FRMD5: variants seen among roughly 807,000 people sequenced by gnomAD.
The protein encoded by FRMD5 is FERM domain containing 5, also known as FERM domain-containing protein 5.
Under a neutral mutation model 69.0 loss-of-function variants are expected in FRMD5, and 20 were observed. That is an observed-to-expected ratio of 0.29 (90% CI 0.20 to 0.42). The LOEUF (loss-of-function observed/expected upper bound fraction) is 0.42. Among genes scored for constraint, FRMD5 ranks in the 10% least tolerant of loss-of-function variants. The probability of loss-of-function intolerance (pLI) is 1.00; values close to 1 mark genes in which losing one functional copy is unlikely to be tolerated. For synonymous variants in FRMD5, 271 were observed against 260.1 expected (o/e 1.04, Z -0.40); for missense variants, 595 against 708.6 (o/e 0.84, Z 1.82).
chr15:44,188,905 T>C (rs2078146769), intron 1 of FRMD5, among the ~76,000 whole-genome samples: 1 of 151,922 alleles, frequency 6.6e-6, no homozygotes, highest in Admixed American at 6.6e-5. Context: ...AAGCAGCAGA[T>C]GAGGTCATGG....
Position 43,972,281 on chromosome 15 carries a change from G to A in FRMD5, c.103-47972C>T, listed in dbSNP as rs117813536. On this transcript the variant is annotated intron_variant, in intron 1 of 13. Transcript: ENST00000417257. ...CACATCACACAACATCATGTGGGATGGGGTTAGGGAGGCCTTTAAATGCAT... is the reference window on the plus strand; with the variant it reads ...CACATCACACAACATCATGTGGGATAGGGTTAGGGAGGCCTTTAAATGCAT... Among the ~76,000 whole-genome samples, 836 of 151,922 alleles carry A rather than the reference G, an allele frequency of 5.5e-3. 6 individuals carry two copies. Among genetic ancestry groups the A allele is most frequent in the Non-Finnish European group, 8.9e-3 (603 of 67,970 alleles).
intron 1 of FRMD5, among the ~76,000 whole-genome samples, chr15:44,078,164 A>G (rs1406851961): frequency 6.6e-6 from 1 of 152,116 alleles, no homozygotes; most frequent in African/African-American, 2.4e-5. Flanking sequence ...AAAAGGCATG[A>G]TAACTGTTTT....
chr15:44,164,294 T>G (rs1200816501), intron 1 of FRMD5, among the ~76,000 whole-genome samples: 1 of 152,232 alleles, frequency 6.6e-6, no homozygotes, highest in Non-Finnish European at 1.5e-5. Flanking sequence ...GCACTTTTTT[T>G]TGCATTATAA....
chr15:43,892,878 T>C (rs1051779361), intron 7 of FRMD5, among the ~76,000 whole-genome samples: 3 of 152,030 alleles, frequency 2.0e-5, no homozygotes, highest in Non-Finnish European at 4.4e-5. Flanking sequence ...CCGAGGCAGG[T>C]GGATCATCTG....
At chr15:44,141,595 T>C (rs1457537799) in intron 1 of FRMD5, among the ~76,000 whole-genome samples, 2 of 152,180 alleles carry the variant, frequency 1.3e-5, no homozygotes, top group Non-Finnish European at 2.9e-5. Context: ...CTGCAGGACA[T>C]TCCACAGAAA....
intron 1 of FRMD5, among the ~76,000 whole-genome samples, chr15:44,008,477 G>A (rs1001068038): frequency 6.6e-5 from 10 of 151,696 alleles, no homozygotes; most frequent in African/African-American, 2.4e-4. Flanking sequence ...TGATGGCCAG[G>A]CTGGTCTTGA....
intron 1 of FRMD5, among the ~76,000 whole-genome samples, chr15:44,171,207 A>G (rs1213088126): frequency 6.6e-6 from 1 of 152,210 alleles, no homozygotes; most frequent in African/African-American, 2.4e-5. Context: ...AAATATACTA[A>G]GTTATCACAG....
intron 1 of FRMD5, among the ~76,000 whole-genome samples, chr15:43,967,953 T>A (rs559516793): frequency 1.5e-3 from 228 of 151,960 alleles, no homozygotes; most frequent in Middle Eastern, 3.4e-3. Context: ...GTGTGTGATG[T>A]TCCCCTCCCT....
chr15:44,116,999 G>A (rs901681640), intron 1 of FRMD5, among the ~76,000 whole-genome samples: 1 of 151,764 alleles, frequency 6.6e-6, no homozygotes, highest in Non-Finnish European at 1.5e-5. Flanking sequence ...GGGGGTGGGC[G>A]TGGTCTGAGG....
intron 1 of FRMD5, among the ~76,000 whole-genome samples, chr15:44,056,488 T>C (rs2140363035): frequency 6.6e-6 from 1 of 152,294 alleles, no homozygotes; most frequent in Middle Eastern, 3.4e-3. Context: ...TACCAAGCAA[T>C]TATAATTCTG....
intron 1 of FRMD5, among the ~76,000 whole-genome samples, chr15:43,954,754 A>T (rs947060646): frequency 6.6e-6 from 1 of 152,220 alleles, no homozygotes; most frequent in Admixed American, 6.5e-5. Context: ...ATGCCCTTTA[A>T]TAAGACTGTC....
chr15:44,185,459 A>G (rs1469571326), intron 1 of FRMD5, among the ~76,000 whole-genome samples: 1 of 152,162 alleles, frequency 6.6e-6, no homozygotes, highest in Non-Finnish European at 1.5e-5. Flanking sequence ...CTGACCTACA[A>G]ACCTCCAATT....
chr15:44,056,309 G>A (rs1595676891), intron 1 of FRMD5, among the ~76,000 whole-genome samples: 1 of 152,148 alleles, frequency 6.6e-6, no homozygotes, highest in East Asian at 1.9e-4. Context: ...AAAATCTGAA[G>A]TAATATTTAA....
At chr15:44,004,192 C>CT (rs1416134934) in intron 1 of FRMD5, among the ~76,000 whole-genome samples, 1 of 152,178 alleles carries the variant, frequency 6.6e-6, no homozygotes, top group African/African-American at 2.4e-5. Context: ...GTAACACACC[C>CT]ACACCAGTGA....
intron 13 of FRMD5, among the ~76,000 whole-genome samples, chr15:43,875,551 C>G (rs1418328306): frequency 6.6e-6 from 1 of 151,346 alleles, no homozygotes; most frequent in Non-Finnish European, 1.5e-5. Context: ...AATCTCAGCT[C>G]ACTACAACTT....
rs1370601978 is a variant in FRMD5 at position 43,999,917 on chromosome 15, G to A, written c.103-75608C>T. Among the ~76,000 whole-genome samples, 14 of 6,950 alleles carry A rather than the reference G, an allele frequency of 2.0e-3. No homozygotes were observed. The South Asian group carries it at 0.047, about 23-fold the overall frequency. 4.6% of individuals were successfully genotyped at this position (6,950 alleles called of 152,430 possible). A position where few individuals can be genotyped will look rare whatever the true frequency, so the allele number is the denominator to read the frequency against. Reference sequence around the variant, plus strand: ...GATATACCATTTTATATTTGTGTGTGTGTATGTATATATATATATATATAT... The same window carrying A: ...GATATACCATTTTATATTTGTGTGTATGTATGTATATATATATATATATAT... On this transcript the variant is annotated intron_variant, in intron 1 of 13. Transcript: ENST00000417257.
chr15:44,096,497 G>C (rs948049350), intron 1 of FRMD5, among the ~76,000 whole-genome samples: 1 of 151,210 alleles, frequency 6.6e-6, no homozygotes, highest in African/African-American at 2.4e-5. Context: ...CCGCCTCCTG[G>C]GTTCAAGTAA....
At chr15:43,917,199 C>T (rs1001739278) in intron 4 of FRMD5, among the ~76,000 whole-genome samples, 1 of 152,176 alleles carries the variant, frequency 6.6e-6, no homozygotes, top group African/African-American at 2.4e-5. Context: ...CCTCTCATCC[C>T]CACTGTTGGT....
At chr15:44,089,513 G>T (rs1390201426) in intron 1 of FRMD5, among the ~76,000 whole-genome samples, 2 of 151,982 alleles carry the variant, frequency 1.3e-5, no homozygotes, top group African/African-American at 4.8e-5. Context: ...GACCAGCCTG[G>T]ATAGCATGGC....
Sources: allele counts gnomAD v4.1 joint callset (sites outside exome capture counted in the v4.1 genomes callset), GRCh38; gene constraint gnomAD v4.1.1; transcripts MANE v1.5; gene names NCBI Gene and HGNC (gene_info 2026-07-23, HGNC 2026-07-21).